FANCC: variants seen among roughly 807,000 people sequenced by gnomAD.
The protein encoded by FANCC is Fanconi anemia group C protein.
A neutral mutation model predicts 71.3 loss-of-function variants in FANCC; 55 were observed. The ratio of observed to expected loss-of-function variants is 0.77; its 90% CI spans 0.62 to 0.97. The LOEUF (loss-of-function observed/expected upper bound fraction) is 0.97. FANCC is among the 50% of genes least tolerant of loss of function. The probability of loss-of-function intolerance (pLI) is 0.00; values close to 1 mark genes in which losing one functional copy is unlikely to be tolerated. For missense variants in FANCC, 678 were observed against 670.9 expected (o/e 1.01, Z -0.12); for synonymous variants, 275 against 244.9 (o/e 1.12, Z -1.15).
chr9:95,217,174 A>C (rs1054166674), intron 4 of FANCC, among the ~76,000 whole-genome samples: 1 of 152,194 alleles, frequency 6.6e-6, no homozygotes, highest in African/African-American at 2.4e-5. Context: ...AAAAGCCTCA[A>C]ATATTTGTTA....
intron 13 of FANCC, chr9:95,111,164 T>C (rs778484925): frequency 2.0e-6 from 3 of 1,535,532 alleles, no homozygotes; most frequent in Non-Finnish European, 1.7e-6. Context: ...GACGCGACCC[T>C]GGGGCAGATA....
At chr9:95,277,397 T>C (rs559980631) in intron 1 of FANCC, among the ~76,000 whole-genome samples, 3 of 152,236 alleles carry the variant, frequency 2.0e-5, no homozygotes, top group Non-Finnish European at 2.9e-5. Flanking sequence ...AAACAATGTT[T>C]CAGATGACGG....
intron 4 of FANCC, among the ~76,000 whole-genome samples, chr9:95,205,687 A>G (rs559793177): frequency 2.0e-5 from 3 of 152,320 alleles, no homozygotes; most frequent in South Asian, 2.1e-4. Context: ...ACTAAACTCC[A>G]TAATTCTCAT....
Position 95,299,829 on chromosome 9 carries a change from C to T in FANCC, c.-79+17697G>A, listed in dbSNP as rs77322766. Among the ~76,000 whole-genome samples the T allele has an allele frequency of 3.2e-3, 493 of 152,278 alleles. 8 individuals carry two copies. The South Asian group carries it at 0.043, about 13-fold the overall frequency. On this transcript the variant is annotated intron_variant, in intron 1 of 14. Coordinates refer to ENST00000289081, the MANE Select transcript of FANCC (RefSeq NM_000136.3). ...TGAGCCATGTCCGCATCACTGCACTCCAGGCAGGGAGACAGAGTGAGACCC... is the reference window on the plus strand; with the variant it reads ...TGAGCCATGTCCGCATCACTGCACTTCAGGCAGGGAGACAGAGTGAGACCC...
chr9:95,123,631 C>T, intron 10 of FANCC: 1 of 609,388 alleles, frequency 1.6e-6, no homozygotes, highest in Middle Eastern at 2.8e-4. Context: ...AGGCTATTAA[C>T]AAATTCATCA....
At chr9:95,164,672 T>C (rs1256779318) in intron 6 of FANCC, among the ~76,000 whole-genome samples, 1 of 152,206 alleles carries the variant, frequency 6.6e-6, no homozygotes, top group African/African-American at 2.4e-5. Flanking sequence ...TTTATACATA[T>C]CTTTTTAACG....
At chr9:95,134,275 C>T (rs1296471315) in intron 8 of FANCC, among the ~76,000 whole-genome samples, 1 of 152,152 alleles carries the variant, frequency 6.6e-6, no homozygotes, top group Non-Finnish European at 1.5e-5. Context: ...AAAGAAAGAA[C>T]ACAGAAGTCC....
chr9:95,244,584 C>A (rs972895550), intron 3 of FANCC, among the ~76,000 whole-genome samples: 1 of 142,008 alleles, frequency 7.0e-6, no homozygotes, highest in Non-Finnish European at 1.5e-5. Context: ...GAGGCTGAGG[C>A]AGGAGAATCC....
At chr9:95,182,295 C>T (rs1026628593) in intron 4 of FANCC, among the ~76,000 whole-genome samples, 14 of 151,460 alleles carry the variant, frequency 9.2e-5, no homozygotes, top group African/African-American at 3.4e-4. Flanking sequence ...CCGAGGCAGG[C>T]GGATCACAAG....
chr9:95,252,340 G>T (rs552460412), intron 1 of FANCC, among the ~76,000 whole-genome samples: 1 of 148,860 alleles, frequency 6.7e-6, no homozygotes, highest in Non-Finnish European at 1.5e-5. Flanking sequence ...ACAAACTGAT[G>T]AATTTCTTAT....
chr9:95,169,852 G>A (rs1449248353), intron 6 of FANCC, among the ~76,000 whole-genome samples: 2 of 152,086 alleles, frequency 1.3e-5, no homozygotes, highest in Non-Finnish European at 2.9e-5. Flanking sequence ...CGCCTTTAAT[G>A]TTATTATTAA....
At chr9:95,234,244 A>G (rs999446190) in intron 4 of FANCC, among the ~76,000 whole-genome samples, 1 of 152,266 alleles carries the variant, frequency 6.6e-6, no homozygotes, top group Non-Finnish European at 1.5e-5. Context: ...AGATTATCTG[A>G]AAAAATAAAT....
chr9:95,278,034 T>A (rs368165272), intron 1 of FANCC, among the ~76,000 whole-genome samples: 2 of 152,210 alleles, frequency 1.3e-5, no homozygotes, highest in African/African-American at 4.8e-5. Context: ...TAAAATGATA[T>A]GTACACACTG....
chr9:95,221,543 A>G (rs1258082159), intron 4 of FANCC, among the ~76,000 whole-genome samples: 1 of 152,192 alleles, frequency 6.6e-6, no homozygotes, highest in Admixed American at 6.5e-5. Context: ...TAAAGTAAAA[A>G]TTTAAAACAT....
chr9:95,209,333 T>C (rs956918136), intron 4 of FANCC, among the ~76,000 whole-genome samples: 3 of 152,148 alleles, frequency 2.0e-5, no homozygotes, highest in African/African-American at 4.8e-5. Flanking sequence ...CCCAAACCCA[T>C]AGAATGTACA....
intron 1 of FANCC, among the ~76,000 whole-genome samples, chr9:95,253,180 C>A (rs925267519): frequency 5.9e-5 from 9 of 152,200 alleles, no homozygotes; most frequent in Non-Finnish European, 1.2e-4. Flanking sequence ...TGCTCCACAA[C>A]CTCTGGGGCT....
chr9:95,290,873 A>C (rs1261343089), intron 1 of FANCC, among the ~76,000 whole-genome samples: 1 of 152,250 alleles, frequency 6.6e-6, no homozygotes, highest in Non-Finnish European at 1.5e-5. Flanking sequence ...AAAAAAGATC[A>C]CATATCATGA....
chr9:95,303,191 T>C (rs550560197), intron 1 of FANCC, among the ~76,000 whole-genome samples: 74 of 152,354 alleles, frequency 4.9e-4, no homozygotes, highest in Non-Finnish European at 6.0e-4. Flanking sequence ...CTAATGAATC[T>C]GAGGAAGTGA....
chr9:95,307,041 C>T (rs955162553), intron 1 of FANCC, among the ~76,000 whole-genome samples: 5 of 152,082 alleles, frequency 3.3e-5, no homozygotes, highest in East Asian at 1.9e-4. Context: ...CATGTCACCA[C>T]GCCTGGATAA....
Sources: gnomAD v4.1 joint callset for allele counts (sites outside exome capture counted in the v4.1 genomes callset) on GRCh38, gnomAD v4.1.1 for gene constraint, MANE v1.5 for transcripts, NCBI Gene and HGNC (gene_info 2026-07-23, HGNC 2026-07-21) for gene names.